Variants in ICE2 observed in about 807,000 individuals in gnomAD.
ICE2 encodes the protein little elongation complex subunit 2.
Under a neutral mutation model 105.4 loss-of-function variants are expected in ICE2, and 87 were observed. That is an observed-to-expected ratio of 0.83 (90% confidence interval 0.69 to 0.99). The LOEUF (loss-of-function observed/expected upper bound fraction) is 0.99. Ranked by LOEUF, ICE2 falls within the 50% of genes least tolerant of loss-of-function variation. The pLI, the probability that ICE2 is intolerant of heterozygous loss-of-function variation, is 0.00. For missense variants in ICE2, 1,323 were observed against 1,146.7 expected, an observed-to-expected ratio of 1.15 and a Z score of -2.22; for synonymous variants, 399 against 392.0, an observed-to-expected ratio of 1.02 and a Z score of -0.21.
intron 9 of ICE2, among the ~76,000 whole-genome samples, chr15:60,450,585 T>G (rs1453293448): frequency 1.3e-5 from 2 of 152,158 alleles, no homozygotes; most frequent in Non-Finnish European, 2.9e-5. Context: ...CCATAGAAAT[T>G]TCATAACTGG....
rs1365180809 is a variant in ICE2, at chr15:60,445,146, G to C, written c.2296-2601C>G. ...TGAAGAACTGAGGAAAAATAAAGAA[G>C]AGATGAGGTTCTTGGACAGCAGAGG... On this transcript the variant is annotated intron_variant, in intron 11 of 15. Transcript: ENST00000261520. Among the ~76,000 whole-genome samples, 6 of 152,192 alleles carry C rather than the reference G, an allele frequency of 3.9e-5. No individual in the cohort carries two copies. The East Asian group carries it at 7.7e-4, about 20-fold the overall frequency.
intron 5 of ICE2, among the ~76,000 whole-genome samples, chr15:60,461,943 C>G (rs998385301): frequency 6.6e-6 from 1 of 152,124 alleles, no homozygotes; most frequent in African/African-American, 2.4e-5. Flanking sequence ...TGAGTTAATA[C>G]TATTTGAGGC....
chr15:60,438,439 C>T (rs1324056600), intron 12 of ICE2: 1 of 152,142 alleles, frequency 6.6e-6, no homozygotes, highest in Non-Finnish European at 1.5e-5. Flanking sequence ...CCTTCTAAGA[C>T]ACCAAATTCA....
At chr15:60,474,974 C>A (rs1028016339) in intron 3 of ICE2, among the ~76,000 whole-genome samples, 16 of 151,756 alleles carry the variant, frequency 1.1e-4, no homozygotes, top group African/African-American at 3.9e-4. Context: ...AAAACAAAAA[C>A]GAAAAAGTAA....
chr15:60,469,358 G>A (rs189655124), intron 3 of ICE2, among the ~76,000 whole-genome samples: 21 of 152,130 alleles, frequency 1.4e-4, no homozygotes, highest in African/African-American at 5.1e-4. Flanking sequence ...TAATACCTAG[G>A]TGATGGGTTG....
At chr15:60,437,239 A>G (rs898749272) in intron 12 of ICE2, among the ~76,000 whole-genome samples, 1 of 152,048 alleles carries the variant, frequency 6.6e-6, no homozygotes, top group Admixed American at 6.6e-5. Flanking sequence ...TGGGTGACAG[A>G]GTAAGACTCC....
intron 5 of ICE2, among the ~76,000 whole-genome samples, chr15:60,459,724 C>T (rs1354941726): frequency 6.6e-6 from 1 of 152,036 alleles, no homozygotes; most frequent in Non-Finnish European, 1.5e-5. Context: ...TCAAAATGCT[C>T]TATGATTTCT....
chr15:60,441,388 T>G (rs762697270), intron 12 of ICE2: 13 of 152,138 alleles, frequency 8.5e-5, no homozygotes, highest in Admixed American at 4.6e-4. Context: ...ACATTTTAAG[T>G]GAATAACCTT....
chr15:60,419,996 C>T lies in ICE2; in HGVS notation c.*3638G>A, dbSNP rs2063226620. 6.6e-6 allele frequency: 1 copy of T among 152,328 alleles called. No homozygotes were observed. The highest frequency in any genetic ancestry group is 1.9e-4 in the East Asian group (1 of 5,190). 9.4% of individuals were successfully genotyped at this position (152,328 alleles called of 1,614,324 possible). A position where few individuals can be genotyped will look rare whatever the true frequency, so the allele number is the denominator to read the frequency against. On this transcript the variant is annotated 3_prime_UTR_variant, in exon 16 of 16. Coordinates refer to ENST00000261520, the MANE Select transcript of ICE2 (RefSeq NM_024611.6). ...ACTGCAGCCCTAGCCAAGAGCCTGA[C>T]TGCAACTTCATGAGAGACCTGGACT...
chr15:60,423,967 G>C (rs2063283458), intron 15 of ICE2, among the ~76,000 whole-genome samples: 1 of 152,200 alleles, frequency 6.6e-6, no homozygotes, highest in South Asian at 2.1e-4. Flanking sequence ...CATCAGAGAA[G>C]TTGATAGATC....
rs1162150992 is a variant in ICE2, at chr15:60,422,929, T to G, written c.*705A>C. 1 of 152,558 alleles carries G rather than the reference T, an allele frequency of 6.6e-6. No individual in the cohort carries two copies. Among genetic ancestry groups the G allele is most frequent in the Non-Finnish European group, 1.5e-5 (1 of 68,044 alleles). The allele number at this position is 152,558 out of a possible 1,614,324, so 9.5% of individuals were successfully genotyped here. On this transcript the variant is annotated 3_prime_UTR_variant, in exon 16 of 16. Coordinates refer to ENST00000261520, the MANE Select transcript of ICE2 (RefSeq NM_024611.6). ...TTTTTCTGGAAAACATACCTATCTC[T>G]TTGCTTTCAGCAGTGTATTTCAACA...
intron 9 of ICE2, 138 bp from the exon 10 acceptor site, chr15:60,449,979 T>C (rs1450503732): frequency 3.8e-4 from 258 of 670,578 alleles, no homozygotes; most frequent in Non-Finnish European, 3.2e-5. Context: ...AAAAGGTTCT[T>C]GTTTAAGATG....
chr15:60,476,967 T>C (rs564086654), intron 2 of ICE2, among the ~76,000 whole-genome samples: 1 of 152,354 alleles, frequency 6.6e-6, no homozygotes, highest in East Asian at 1.9e-4. Flanking sequence ...GCATACTTTA[T>C]AGCACTGGCA....
At chr15:60,466,756 C>A (rs1292019318) in intron 4 of ICE2, 43 bp from the exon 5 acceptor site, 1 of 1,486,020 alleles carries the variant, frequency 6.7e-7, no homozygotes, top group Admixed American at 2.0e-5. Flanking sequence ...TAAAAAGTTT[C>A]ATTAAAAAGA....
chr15:60,443,899 G>A (rs2063770369), intron 11 of ICE2, among the ~76,000 whole-genome samples: 1 of 151,600 alleles, frequency 6.6e-6, no homozygotes, highest in Admixed American at 6.6e-5. Context: ...TTCAGGATTA[G>A]CCTGGATGAA....
chr15:60,444,179 A>G (rs2063776122), intron 11 of ICE2, among the ~76,000 whole-genome samples: 1 of 152,196 alleles, frequency 6.6e-6, no homozygotes, highest in South Asian at 2.1e-4. Flanking sequence ...GTTGACTGAG[A>G]AAAAGGATCA....
chr15:60,438,370 C>T (rs957924771), intron 12 of ICE2: 6 of 152,038 alleles, frequency 3.9e-5, no homozygotes, highest in Non-Finnish European at 5.9e-5. Flanking sequence ...CTTACCAAGC[C>T]CCCTTTCATT....
At chr15:60,476,490 T>C (rs1248102007) in intron 2 of ICE2, among the ~76,000 whole-genome samples, 1 of 152,242 alleles carries the variant, frequency 6.6e-6, no homozygotes, top group East Asian at 1.9e-4. Flanking sequence ...ATCAAGGGTC[T>C]GTCAAAGGCT....
intron 15 of ICE2, 61 bp from the exon 16 acceptor site, chr15:60,423,823 C>T (rs972487956): frequency 5.0e-6 from 7 of 1,392,628 alleles, no homozygotes; most frequent in Non-Finnish European, 6.7e-6. Context: ...TATATACAGT[C>T]AACTCTGTAG....
Sources: allele counts gnomAD v4.1 joint callset (sites outside exome capture counted in the v4.1 genomes callset), GRCh38; gene constraint gnomAD v4.1.1; transcripts MANE v1.5; gene names NCBI Gene and HGNC (gene_info 2026-07-23, HGNC 2026-07-21).